INPP5A: variants seen among roughly 807,000 people sequenced by gnomAD.
INPP5A encodes the protein 43 kDa inositol polyphosphate 5-phophatase.
Under a neutral mutation model 65.2 loss-of-function variants are expected in INPP5A, and 14 were observed. The ratio of observed to expected loss-of-function variants is 0.21; its 90% CI spans 0.14 to 0.34. INPP5A has a LOEUF of 0.34. Ranked by LOEUF, INPP5A falls within the 10% of genes least tolerant of loss-of-function variation. INPP5A has a pLI of 1.00. For missense variants in INPP5A, 431 were observed against 545.6 expected (o/e 0.79, Z 2.09); for synonymous variants, 207 against 208.3 (o/e 0.99, Z 0.05).
intron 6 of INPP5A, among the ~76,000 whole-genome samples, chr10:132,702,153 C>T (rs1845448097): frequency 6.6e-6 from 1 of 152,206 alleles, no homozygotes; most frequent in Non-Finnish European, 1.5e-5. Flanking sequence ...ACGAGCTTAC[C>T]TCAAAAGGAA....
At position 132,707,972 on chromosome 10, in the gene INPP5A, C is replaced by T. The variant is rs531149011; in HGVS notation, c.475-341C>T. Among the ~76,000 whole-genome samples the T allele has an allele frequency of 2.0e-4, 30 of 152,202 alleles. No homozygotes were observed. The highest frequency in any genetic ancestry group is 4.3e-4 in the African/African-American group (18 of 41,456). ...TCCAGCCGAGGGCGGCCGTGTGTCT[C>T]GAGCTCCCTGATCAGCATCTGTGGT... On this transcript the variant is annotated intron_variant, in intron 6 of 15. Coordinates refer to ENST00000368594, the MANE Select transcript of INPP5A (RefSeq NM_005539.5). This position sits in a 1 kb window ranked among gnomAD's most constrained non-coding sequence, Gnocchi z 5.5.
chr10:132,619,818 C>T (rs1043979114), intron 2 of INPP5A, among the ~76,000 whole-genome samples: 12 of 152,180 alleles, frequency 7.9e-5, no homozygotes, highest in African/African-American at 2.7e-4. Context: ...ACCACCACAC[C>T]TGGCTAATTT....
At chr10:132,709,660 G>A (rs560801138) in intron 7 of INPP5A, among the ~76,000 whole-genome samples, 2 of 152,228 alleles carry the variant, frequency 1.3e-5, no homozygotes, top group Non-Finnish European at 2.9e-5. Flanking sequence ...GCGCCTCCTG[G>A]TAGGGAGACG....
Position 132,599,049 on chromosome 10 carries a change from C to T in INPP5A, c.76-8866C>T, listed in dbSNP as rs187842954. 7.1e-3 allele frequency among the ~76,000 whole-genome samples: 1,088 copies of T among 152,284 alleles called. 14 individuals carry two copies. Among genetic ancestry groups the T allele is most frequent in the Non-Finnish European group, 8.5e-3 (577 of 68,028 alleles). On this transcript the variant is annotated intron_variant, in intron 1 of 15. Transcript: ENST00000368594. ...TTCAAGTGAGATTTGGGTGGGGACACAGCCAAACCATATCATTCCATCCCT... is the reference window on the plus strand; with the variant it reads ...TTCAAGTGAGATTTGGGTGGGGACATAGCCAAACCATATCATTCCATCCCT...
chr10:132,732,411 G>A (rs1245415657), intron 9 of INPP5A, among the ~76,000 whole-genome samples: 8 of 152,226 alleles, frequency 5.3e-5, no homozygotes, highest in East Asian at 1.9e-4. Flanking sequence ...TAAGTAAAGC[G>A]AGCCTAGTGG....
At chr10:132,732,977 C>G (rs529309543) in intron 9 of INPP5A, among the ~76,000 whole-genome samples, 131 of 152,314 alleles carry the variant, frequency 8.6e-4, no homozygotes, top group African/African-American at 2.6e-3. Flanking sequence ...TATTCTCTCA[C>G]AGTCCTGGAA....
At chr10:132,557,023 C>T (rs2071135487) in intron 1 of INPP5A, among the ~76,000 whole-genome samples, 1 of 152,188 alleles carries the variant, frequency 6.6e-6, no homozygotes, top group Non-Finnish European at 1.5e-5. Flanking sequence ...CTTCCTGAGT[C>T]TCATTGTACG....
intron 9 of INPP5A, among the ~76,000 whole-genome samples, chr10:132,737,830 G>A (rs1762686139): frequency 1.3e-5 from 2 of 152,188 alleles, no homozygotes; most frequent in Admixed American, 6.5e-5. Flanking sequence ...TATTTGGTCT[G>A]TTTCTATATA....
At chr10:132,725,168 C>T (rs1845964212) in intron 8 of INPP5A, among the ~76,000 whole-genome samples, 1 of 152,246 alleles carries the variant, frequency 6.6e-6, no homozygotes. Flanking sequence ...GGAGAAAATG[C>T]AAATTTTGAT....
At chr10:132,602,327 G>A (rs1379869560) in intron 1 of INPP5A, among the ~76,000 whole-genome samples, 7 of 152,142 alleles carry the variant, frequency 4.6e-5, no homozygotes, top group East Asian at 1.9e-4. Context: ...ACGGAGTCTC[G>A]TTCTGTCACC....
intron 12 of INPP5A, among the ~76,000 whole-genome samples, chr10:132,775,873 A>G (rs116880007): frequency 6.6e-6 from 1 of 152,040 alleles, no homozygotes; most frequent in African/African-American, 2.4e-5. Flanking sequence ...CGGGCTCTCC[A>G]AGCTCCATGG....
intron 11 of INPP5A, among the ~76,000 whole-genome samples, chr10:132,764,795 TC>T (rs1330704975): frequency 3.1e-5 from 3 of 95,644 alleles, no homozygotes; most frequent in South Asian, 3.9e-4. Context: ...AGAAACACGG[TC>T]GGGCCAGTCC....
Position 132,753,728 on chromosome 10 carries a change from G to T in INPP5A, c.903+3883G>T, listed in dbSNP as rs1336127505. The T allele has an allele frequency of 6.6e-6, 1 of 152,188 alleles. No individual in the cohort carries two copies. The highest frequency in any genetic ancestry group is 1.5e-5 in the Non-Finnish European group (1 of 68,058). 9.4% of individuals were successfully genotyped at this position (152,188 alleles called of 1,614,324 possible). A position where few individuals can be genotyped will look rare whatever the true frequency, so the allele number is the denominator to read the frequency against. ...GTTTTCTGTGTGTTTAGCAACCGCTGTAGCCCCAGGTGCATTGATTTTCTG... is the reference window on the plus strand; with the variant it reads ...GTTTTCTGTGTGTTTAGCAACCGCTTTAGCCCCAGGTGCATTGATTTTCTG... On this transcript the variant is annotated intron_variant, in intron 11 of 15. Transcript: ENST00000368594. This position sits in a 1 kb window ranked among gnomAD's most constrained non-coding sequence, Gnocchi z 5.3.
chr10:132,570,360 C>T (rs1306246038), intron 1 of INPP5A, among the ~76,000 whole-genome samples: 1 of 152,226 alleles, frequency 6.6e-6, no homozygotes. Context: ...CCGTGGGCAC[C>T]TTCGTATCCA....
rs548629171 is a variant in INPP5A, at chr10:132,547,543, G to A, written c.75+9372G>A. Among the ~76,000 whole-genome samples, 1 of 152,160 alleles carries A rather than the reference G, an allele frequency of 6.6e-6. No homozygotes were observed. The highest frequency in any genetic ancestry group is 1.5e-5 in the Non-Finnish European group (1 of 68,022). ...CTCTGCCCACCTGCCTGGCATCTGG[G>A]GTTCCCGGGAGGCCGGGCACCTGCA... On this transcript the variant is annotated intron_variant, in intron 1 of 15. Coordinates refer to ENST00000368594, the MANE Select transcript of INPP5A (RefSeq NM_005539.5). This position sits in a 1 kb window ranked among gnomAD's most constrained non-coding sequence, Gnocchi z 5.5.
intron 4 of INPP5A, among the ~76,000 whole-genome samples, chr10:132,664,978 T>A (rs918320712): frequency 6.6e-6 from 1 of 152,112 alleles, no homozygotes; most frequent in Non-Finnish European, 1.5e-5. Flanking sequence ...AACTGAGGCG[T>A]TGAGCAGTCA....
At chr10:132,599,129 A>G (rs1220204615) in intron 1 of INPP5A, among the ~76,000 whole-genome samples, 1 of 152,170 alleles carries the variant, frequency 6.6e-6, no homozygotes, top group East Asian at 1.9e-4. Flanking sequence ...CCTTCCCAAC[A>G]GTCTCCCAAA....
At chr10:132,638,619 G>T (rs1222462182) in intron 2 of INPP5A, among the ~76,000 whole-genome samples, 2 of 152,122 alleles carry the variant, frequency 1.3e-5, no homozygotes, top group Non-Finnish European at 2.9e-5. Flanking sequence ...CCAGGCTGGA[G>T]TGCAGTGGCA....
chr10:132,773,225 C>T (rs746876273), intron 12 of INPP5A, among the ~76,000 whole-genome samples: 1 of 152,174 alleles, frequency 6.6e-6, no homozygotes, highest in African/African-American at 2.4e-5. Context: ...CTATTGCTAC[C>T]CGTCAAAACG....
Sources: allele counts gnomAD v4.1 joint callset (sites outside exome capture counted in the v4.1 genomes callset), GRCh38; gene constraint gnomAD v4.1.1; non-coding constraint Gnocchi (gnomAD v3.1); transcripts MANE v1.5; gene names NCBI Gene and HGNC (gene_info 2026-07-23, HGNC 2026-07-21).